The following NUS1 variants were observed in gnomAD, a reference collection of about 807,000 sequenced individuals.
NUS1 encodes the protein NUS1 dehydrodolichyl diphosphate synthase subunit, also known as dehydrodolichyl diphosphate synthase complex subunit NUS1.
For missense variants in NUS1, 292 were observed against 382.9 expected (o/e 0.76, Z 1.98); for synonymous variants, 135 against 155.2 (o/e 0.87, Z 0.97).
At chr6:117,688,569 T>C (rs1336093526) in intron 1 of NUS1, among the ~76,000 whole-genome samples, 1 of 152,212 alleles carries the variant, frequency 6.6e-6, no homozygotes, top group African/African-American at 2.4e-5. Context: ...AGTCTTGTTC[T>C]TAAGTGCAAG....
In NUS1 at chr6:117,676,053, G is replaced by A. The variant is rs1283480592; in HGVS notation, c.383G>A (p.Gly128Asp). Reference protein sequence around the residue: ...ASLVVWCMAVGISYISVYDHQ... With the variant: ...ASLVVWCMAVDISYISVYDHQ... ...CTCGTGGTGTGGTGTATGGCCGTGG[G>A]CATCTCCTACATTAGCGTCTACGAC... The change falls in exon 1 of 5, where the codon GGC becomes GAC. Residue 128 changes from glycine to aspartate, a missense_variant. By Grantham distance (94) the Gly-to-Asp change is moderately conservative. Coordinates refer to ENST00000368494, the MANE Select transcript of NUS1 (RefSeq NM_138459.5). 4 of 1,550,544 alleles carry A rather than the reference G, an allele frequency of 2.6e-6. No homozygotes were observed. Among genetic ancestry groups the A allele is most frequent in the Non-Finnish European group, 3.5e-6 (4 of 1,147,242 alleles).
intron 3 of NUS1, among the ~76,000 whole-genome samples, chr6:117,701,368 C>T (rs1773406728): frequency 6.6e-6 from 1 of 151,814 alleles, no homozygotes; most frequent in Non-Finnish European, 1.5e-5. Context: ...CCTCAGCCTC[C>T]CGAGTAGCTG....
intron 4 of NUS1, among the ~76,000 whole-genome samples, chr6:117,705,113 ATCTG>A (rs1290999827): frequency 1.3e-5 from 2 of 152,212 alleles, no homozygotes; most frequent in East Asian, 3.9e-4. Context: ...ACTCTAAATC[ATCTG>A]GTCCCACCTT....
rs1773264410 is a variant in NUS1 at position 117,693,095 on chromosome 6, C to G, written c.469C>G (p.Gln157Glu). 1.2e-6 allele frequency: 2 copies of G among 1,610,082 alleles called. No homozygotes were observed. Among genetic ancestry groups the G allele is most frequent in the Admixed American group, 3.3e-5 (2 of 59,906 alleles). ...RLMDEILKQQ[Q>E]ELLGLDCSKY... ...GATGGATGAAATTTTAAAACAACAG[C>G]AAGAACTTCTGGGCCTAGATTGTTC... The change falls in exon 2 of 5, where the codon CAA (glutamine) becomes GAA (glutamate). Residue 157 changes from glutamine to glutamate, a missense_variant. By Grantham distance (29) the Gln-to-Glu change is conservative (BLOSUM62 2). Coordinates refer to ENST00000368494, the MANE Select transcript of NUS1 (RefSeq NM_138459.5).
Position 117,707,688 on chromosome 6 carries a change from A to G in NUS1, c.*673A>G, listed in dbSNP as rs923835414. 3 of 147,668 alleles carry G rather than the reference A, an allele frequency of 2.0e-5. No homozygotes were observed. Among genetic ancestry groups the G allele is most frequent in the African/African-American group, 7.5e-5 (3 of 39,796 alleles). The allele number at this position is 147,668 out of a possible 1,614,324, so 9.1% of individuals were successfully genotyped here. On this transcript the variant is annotated 3_prime_UTR_variant, in exon 5 of 5. Coordinates refer to ENST00000368494, the MANE Select transcript of NUS1 (RefSeq NM_138459.5). ...TCTGGTATTCTGGTATTCTGGGTTC[A>G]AAAGTATGACTTGAGAGTGTTGCTC...
chr6:117,693,542 G>A (rs1044942248), intron 2 of NUS1, among the ~76,000 whole-genome samples: 3 of 152,134 alleles, frequency 2.0e-5, no homozygotes, highest in African/African-American at 7.2e-5. Context: ...ATTTTGCAGT[G>A]TTATCTGAGA....
At chr6:117,688,232 G>A (rs1036978830) in intron 1 of NUS1, among the ~76,000 whole-genome samples, 2 of 152,088 alleles carry the variant, frequency 1.3e-5, no homozygotes, top group African/African-American at 2.4e-5. Context: ...AAAAATATGT[G>A]TGTGTATATA....
intron 3 of NUS1, among the ~76,000 whole-genome samples, chr6:117,695,215 A>AAAAAG (rs1773300641): frequency 1.3e-5 from 2 of 151,364 alleles, no homozygotes; most frequent in Non-Finnish European, 2.9e-5. Context: ...AAAAAAAAAA[A>AAAAAG]AAAAAAGAAA....
At chr6:117,684,312 C>G (rs902937922) in intron 1 of NUS1, among the ~76,000 whole-genome samples, 1 of 152,174 alleles carries the variant, frequency 6.6e-6, no homozygotes, top group African/African-American at 2.4e-5. Context: ...TCCCATAATT[C>G]CAGACTTCTA....
chr6:117,676,105 T>C lies in NUS1; in HGVS notation c.415+20T>C, dbSNP rs918270082. 3.9e-6 allele frequency: 6 copies of C among 1,549,964 alleles called. No individual in the cohort carries two copies. Among genetic ancestry groups the C allele is most frequent in the Non-Finnish European group, 4.4e-6 (5 of 1,146,982 alleles). Reference sequence around the variant, plus strand: ...ACCAAGGTGAGGCCCGGTGCGGTGGTGGGGGGTGGCCGAGGCGTCTTGGAC... The same window carrying C: ...ACCAAGGTGAGGCCCGGTGCGGTGGCGGGGGGTGGCCGAGGCGTCTTGGAC... On this transcript the variant is annotated intron_variant, in intron 1 of 4. Transcript: ENST00000368494.
rs574830235 is a variant in NUS1 at position 117,689,186 on chromosome 6, C to A, written c.416-3856C>A. On this transcript the variant is annotated intron_variant, in intron 1 of 4. Coordinates refer to ENST00000368494, the MANE Select transcript of NUS1 (RefSeq NM_138459.5). ...AGCATGGTGGTCATTAATGGTAATG[C>A]TTCAGAGAAGCTGAGGAGGGAAGAA... 2.9e-4 allele frequency among the ~76,000 whole-genome samples: 44 copies of A among 152,238 alleles called. No homozygotes were observed. The South Asian group carries it at 8.7e-3, about 30-fold the overall frequency.
At chr6:117,692,753 G>A (rs567644005) in intron 1 of NUS1, among the ~76,000 whole-genome samples, 66 of 152,154 alleles carry the variant, frequency 4.3e-4, no homozygotes, top group African/African-American at 1.6e-3. Context: ...AATCCATAAA[G>A]ATTTTAAGTA....
At chr6:117,684,651 A>T (rs1353697930) in intron 1 of NUS1, among the ~76,000 whole-genome samples, 1 of 152,146 alleles carries the variant, frequency 6.6e-6, no homozygotes, top group Non-Finnish European at 1.5e-5. Flanking sequence ...AGGCCCCTTC[A>T]TGTTACGGCC....
At position 117,710,387 on chromosome 6, in the gene NUS1, T is replaced by C. The variant is rs1370727045; in HGVS notation, c.*3372T>C. The C allele has an allele frequency of 6.6e-6, 1 of 152,070 alleles. No homozygotes were observed. The highest frequency in any genetic ancestry group is 1.5e-5 in the Non-Finnish European group (1 of 67,974). 9.4% of individuals were successfully genotyped at this position (152,070 alleles called of 1,614,324 possible). A position where few individuals can be genotyped will look rare whatever the true frequency, so the allele number is the denominator to read the frequency against. On this transcript the variant is annotated 3_prime_UTR_variant, in exon 5 of 5. Coordinates refer to ENST00000368494, the MANE Select transcript of NUS1 (RefSeq NM_138459.5). ...AGGAAACAAGATTAATGTGAGCAGT[T>C]CTCCAAGATCCTAACTGGTGGGACA...
chr6:117,677,870 G>A (rs975131864), intron 1 of NUS1, among the ~76,000 whole-genome samples: 1 of 152,228 alleles, frequency 6.6e-6, no homozygotes, highest in Non-Finnish European at 1.5e-5. Context: ...GAAAAAAATA[G>A]GTGAAGCAAA....
In NUS1 at chr6:117,675,848, C is replaced by T. The variant is rs1436843770; in HGVS notation, c.178C>T (p.Pro60Ser). The T allele has an allele frequency of 3.9e-6, 6 of 1,539,450 alleles. No individual in the cohort carries two copies. The highest frequency in any genetic ancestry group is 2.4e-5 in the East Asian group (1 of 40,852). ...GCTCGGCTTCACGCTCCGCAAGCCCCCGGCAGTCGGCAGGAACCGCCGTCA... is the reference window on the plus strand; with the variant it reads ...GCTCGGCTTCACGCTCCGCAAGCCCTCGGCAGTCGGCAGGAACCGCCGTCA... ...APLGFTLRKP[P>S]AVGRNRRHHR... The change falls in exon 1 of 5, where the codon CCG becomes TCG. Residue 60 changes from proline (P) to serine (S), a missense_variant. Pro to Ser is a moderately conservative substitution (Grantham distance 74, BLOSUM62 -1). Coordinates refer to ENST00000368494, the MANE Select transcript of NUS1 (RefSeq NM_138459.5).
At chr6:117,706,640 A>T (rs2114695720) in intron 4 of NUS1, among the ~76,000 whole-genome samples, 1 of 152,288 alleles carries the variant, frequency 6.6e-6, no homozygotes, top group South Asian at 2.1e-4. Context: ...CTCAGAGCAG[A>T]GGGAATAGCT....
chr6:117,696,154 G>A (rs1773316670), intron 3 of NUS1, among the ~76,000 whole-genome samples: 1 of 151,986 alleles, frequency 6.6e-6, no homozygotes, highest in African/African-American at 2.4e-5. Flanking sequence ...TACTGAAAAT[G>A]CATCAGAGTC....
In NUS1 at chr6:117,676,219, G is replaced by A. The variant is rs1002680071; in HGVS notation, c.415+134G>A. On this transcript the variant is annotated intron_variant, in intron 1 of 4. Coordinates refer to ENST00000368494, the MANE Select transcript of NUS1 (RefSeq NM_138459.5). Reference sequence around the variant, plus strand: ...CACAGCGCTAGCGCTTTCGAGGAAGGGAGATCAGCTTTATTGAACACCTAC... The same window carrying A: ...CACAGCGCTAGCGCTTTCGAGGAAGAGAGATCAGCTTTATTGAACACCTAC... 28 of 1,375,062 alleles carry A rather than the reference G, an allele frequency of 2.0e-5. No individual in the cohort carries two copies. The African/African-American group carries it at 3.8e-4, about 19-fold the overall frequency. 85.2% of individuals were successfully genotyped at this position (1,375,062 alleles called of 1,614,324 possible). A position where few individuals can be genotyped will look rare whatever the true frequency, so the allele number is the denominator to read the frequency against.
Sources: allele counts gnomAD v4.1 joint callset (sites outside exome capture counted in the v4.1 genomes callset), GRCh38; gene constraint gnomAD v4.1.1; transcripts MANE v1.5; gene names NCBI Gene and HGNC (gene_info 2026-07-23, HGNC 2026-07-21).